COL4A2: variants seen among roughly 807,000 people sequenced by gnomAD.
COL4A2 encodes collagen alpha-2(IV) chain.
In COL4A2, 99 loss-of-function variants were observed where a neutral mutation model predicts 200.2. The observed-to-expected ratio is 0.49, with a 90% CI of 0.42 to 0.58. COL4A2 has a LOEUF of 0.58. COL4A2 is among the 20% of genes least tolerant of loss of function. COL4A2 has a pLI of 0.00. For synonymous variants in COL4A2, 897 were observed against 900.6 expected (o/e 1.00, Z 0.07); for missense variants, 1,950 against 2,314.1 (o/e 0.84, Z 3.23).
At chr13:110,432,509 T>C (rs1490046806) in intron 11 of COL4A2, 149 bp downstream of exon 11, 1 of 1,018,418 alleles carries the variant, frequency 9.8e-7, no homozygotes, top group East Asian at 3.0e-5. Context: ...TAAGACTTAA[T>C]GTTAAACTCC....
At chr13:110,477,514 G>A (rs1882748338) in intron 29 of COL4A2, among the ~76,000 whole-genome samples, 1 of 152,170 alleles carries the variant, frequency 6.6e-6, no homozygotes, top group African/African-American at 2.4e-5. Context: ...ACATGGACAT[G>A]GATAAACATA....
intron 4 of COL4A2, among the ~76,000 whole-genome samples, chr13:110,374,552 T>C (rs559634773): frequency 6.6e-6 from 1 of 152,334 alleles, no homozygotes; most frequent in East Asian, 1.9e-4. Flanking sequence ...TCCCCATCTG[T>C]TTGCGTTTAT....
chr13:110,430,464 C>T (rs1272451712), intron 9 of COL4A2, 28 bp downstream of exon 9: 1 of 1,613,994 alleles, frequency 6.2e-7, no homozygotes, highest in Non-Finnish European at 8.5e-7. Flanking sequence ...GGACGATATT[C>T]CAAACAAAAG....
intron 4 of COL4A2, among the ~76,000 whole-genome samples, chr13:110,409,186 C>T (rs1225711390): frequency 1.2e-4 from 19 of 152,218 alleles, no homozygotes. Flanking sequence ...CACACATACA[C>T]GCACATATAC....
At chr13:110,427,090 A>T (rs1317315528) in intron 6 of COL4A2, among the ~76,000 whole-genome samples, 1 of 152,226 alleles carries the variant, frequency 6.6e-6, no homozygotes, top group Non-Finnish European at 1.5e-5. Context: ...ATTTCTTAAT[A>T]TCATTCAGGT....
chr13:110,423,166 G>T (rs764751849), intron 4 of COL4A2, among the ~76,000 whole-genome samples: 14 of 152,022 alleles, frequency 9.2e-5, no homozygotes, highest in Non-Finnish European at 8.8e-5. Flanking sequence ...TAGGACATAC[G>T]TTTTTTTAAG....
chr13:110,446,717 TTTC>T, intron 17 of COL4A2, 78 bp from the exon 18 acceptor site: 1 of 1,251,798 alleles, frequency 8.0e-7, no homozygotes, highest in Non-Finnish European at 1.1e-6. Flanking sequence ...CACGCTCGGG[TTTC>T]TTCTTTGGAA....
At chr13:110,369,399 C>T (rs923193109) in intron 4 of COL4A2, among the ~76,000 whole-genome samples, 4 of 152,094 alleles carry the variant, frequency 2.6e-5, no homozygotes, top group South Asian at 4.2e-4. Context: ...TAGGGTTGCT[C>T]AACCAGTAAG....
At chr13:110,352,639 G>T (rs1877013563) in intron 3 of COL4A2, among the ~76,000 whole-genome samples, 1 of 152,188 alleles carries the variant, frequency 6.6e-6, no homozygotes, top group Admixed American at 6.5e-5. Flanking sequence ...GGGATGTGAG[G>T]TGTCCTCTCA....
intron 4 of COL4A2, among the ~76,000 whole-genome samples, chr13:110,408,804 CATATATAT>C (rs66769739): frequency 0.65 from 78,890 of 122,238 alleles, 23,729 homozygotes; most frequent in Admixed American, 0.69. Context: ...CACACGCACA[CATATATAT>C]ACACACACAC....
intron 4 of COL4A2, among the ~76,000 whole-genome samples, chr13:110,379,088 T>C (rs1174592791): frequency 6.6e-6 from 1 of 152,134 alleles, no homozygotes; most frequent in African/African-American, 2.4e-5. Flanking sequence ...TGCTCTTAGG[T>C]GGCTGCACCA....
intron 16 of COL4A2, among the ~76,000 whole-genome samples, chr13:110,443,493 C>A (rs996579622): frequency 4.6e-5 from 7 of 152,216 alleles, no homozygotes; most frequent in Admixed American, 3.9e-4. Flanking sequence ...AACATAAAAT[C>A]AACCTTGTAC....
At position 110,357,534 on chromosome 13, in the gene COL4A2, C is replaced by T. The variant is rs1427466122; in HGVS notation, c.162C>T (p.Tyr54=). 1 of 1,587,272 alleles carries T rather than the reference C, an allele frequency of 6.3e-7. No homozygotes were observed. The highest frequency in any genetic ancestry group is 2.3e-5 in the East Asian group (1 of 43,742). ...ATTGCAGTGGGGGCTGCCAGTGCTA[C>T]CCTGAGAAAGGTGGACGTGTAAGTC... ...GRDCSGGCQC[Y]PEKGGRGQPG... Residue 54 remains tyrosine, a synonymous_variant, in exon 4 of 48, where the codon TAC becomes TAT. Transcript: ENST00000360467.
intron 3 of COL4A2, among the ~76,000 whole-genome samples, chr13:110,347,489 G>T (rs1379682220): frequency 1.3e-5 from 2 of 152,192 alleles, no homozygotes; most frequent in African/African-American, 4.8e-5. Flanking sequence ...CATGTTCCCA[G>T]TTGGCCCCTC....
At chr13:110,360,051 C>T (rs757710905) in intron 4 of COL4A2, among the ~76,000 whole-genome samples, 1 of 152,172 alleles carries the variant, frequency 6.6e-6, no homozygotes, top group Non-Finnish European at 1.5e-5. Flanking sequence ...ATGTAAAATT[C>T]CCCTGGGTCT....
intron 38 of COL4A2, among the ~76,000 whole-genome samples, chr13:110,492,587 C>A (rs1883320545): frequency 6.6e-6 from 1 of 152,206 alleles, no homozygotes; most frequent in African/African-American, 2.4e-5. Context: ...TGCTCACTGC[C>A]CATGTAACAG....
At chr13:110,476,414 T>G (rs980930408) in intron 29 of COL4A2, among the ~76,000 whole-genome samples, 3 of 152,354 alleles carry the variant, frequency 2.0e-5, no homozygotes, top group African/African-American at 7.2e-5. Context: ...AGAATCTCAT[T>G]TCAGACCTCG....
chr13:110,357,462 A>C lies in COL4A2; in HGVS notation c.100-10A>C, dbSNP rs1877326752. On this transcript the variant is annotated splice_polypyrimidine_tract_variant and intron_variant, in intron 3 of 47. Transcript: ENST00000360467. ...GTAACTTTTCTTTGCCTTGTGTTTT[A>C]TTGTTGCAGGGTGTGAAGAAGTTTG... The C allele has an allele frequency of 6.3e-7, 1 of 1,581,230 alleles. No individual in the cohort carries two copies. The highest frequency in any genetic ancestry group is 1.4e-5 in the African/African-American group (1 of 73,996).
At chr13:110,503,537 T>C (rs1883727268) in intron 43 of COL4A2, 56 bp downstream of exon 43, 4 of 1,095,228 alleles carry the variant, frequency 3.7e-6, no homozygotes, top group Middle Eastern at 3.0e-4. Context: ...CTCTCCAGGC[T>C]TGGGGACATC....
Sources: gnomAD v4.1 joint callset for allele counts (sites outside exome capture counted in the v4.1 genomes callset) on GRCh38, gnomAD v4.1.1 for gene constraint, MANE v1.5 for transcripts, NCBI Gene and HGNC (gene_info 2026-07-23, HGNC 2026-07-21) for gene names.